Variants in GRIK1 observed in about 807,000 individuals in gnomAD.
The protein encoded by GRIK1 is glutamate receptor ionotropic, kainate 1.
In GRIK1, 69 loss-of-function variants were observed where a neutral mutation model predicts 105.7. That is an observed-to-expected ratio of 0.65 (90% CI 0.54 to 0.80). The LOEUF (loss-of-function observed/expected upper bound fraction) is 0.80. Ranked by LOEUF, GRIK1 falls within the 30% of genes least tolerant of loss-of-function variation. The pLI is 0.00. For missense variants in GRIK1, 1,109 were observed against 1,167.3 expected, an observed-to-expected ratio of 0.95 and a Z score of 0.73; for synonymous variants, 438 against 431.3, an observed-to-expected ratio of 1.02 and a Z score of -0.19.
intron 1 of GRIK1, among the ~76,000 whole-genome samples, chr21:29,836,719 T>A (rs376745689): frequency 2.0e-5 from 3 of 152,182 alleles, no homozygotes; most frequent in South Asian, 4.1e-4. Flanking sequence ...AAATCTCACA[T>A]CATGAGAAAT....
chr21:29,861,517 A>G (rs1271986142), intron 1 of GRIK1, among the ~76,000 whole-genome samples: 6 of 152,022 alleles, frequency 3.9e-5, no homozygotes, highest in Non-Finnish European at 8.8e-5. Context: ...CATATTGCCC[A>G]GGCTGGTCTC....
rs2061288923 is a variant in GRIK1, at chr21:29,588,911, A to G, written c.1497T>C (p.Val499=). 2 of 1,609,928 alleles carry G rather than the reference A, an allele frequency of 1.2e-6. No individual in the cohort carries two copies. Among genetic ancestry groups the G allele is most frequent in the Non-Finnish European group, 1.7e-6 (2 of 1,176,292 alleles). The change falls in exon 11 of 18, where the codon GTT becomes GTC. Residue 499 remains valine (V), a synonymous_variant. Coordinates refer to ENST00000327783, the MANE Select transcript of GRIK1 (RefSeq NM_001330994.2). ...ILGFIYDVKL[V]PDGKYGAQND... is the part of the protein sequence containing the mutation. ...TCTGGGCCCCATATTTGCCATCGGG[A>G]ACTAGTTTAACATCATAAATGAAAC...
chr21:29,815,849 A>G (rs766202555), intron 1 of GRIK1, among the ~76,000 whole-genome samples: 8 of 152,166 alleles, frequency 5.3e-5, no homozygotes, highest in Non-Finnish European at 1.0e-4. Context: ...TAAAACTACT[A>G]GAAGAAAACA....
intron 1 of GRIK1, among the ~76,000 whole-genome samples, chr21:29,787,688 A>G (rs901408320): frequency 1.3e-5 from 2 of 152,122 alleles, no homozygotes; most frequent in Non-Finnish European, 2.9e-5. Context: ...TATCCTTGAC[A>G]TTTTCATCTT....
At chr21:29,821,746 A>G (rs1478999209) in intron 1 of GRIK1, among the ~76,000 whole-genome samples, 1 of 152,038 alleles carries the variant, frequency 6.6e-6, no homozygotes, top group East Asian at 1.9e-4. Context: ...ATGGTCTGTA[A>G]GTGGTTGTGT....
chr21:29,784,449 C>T (rs963627379), intron 1 of GRIK1, among the ~76,000 whole-genome samples: 1 of 152,156 alleles, frequency 6.6e-6, no homozygotes, highest in African/African-American at 2.4e-5. Flanking sequence ...TGACAACCCT[C>T]CATCCCCCAT....
chr21:29,822,503 G>A (rs970727248), intron 1 of GRIK1, among the ~76,000 whole-genome samples: 1 of 151,968 alleles, frequency 6.6e-6, no homozygotes, highest in Non-Finnish European at 1.5e-5. Flanking sequence ...ACTTATGACT[G>A]CTCAGAATAG....
At chr21:29,615,680 C>T (rs1049914069) in intron 7 of GRIK1, among the ~76,000 whole-genome samples, 12 of 152,202 alleles carry the variant, frequency 7.9e-5, no homozygotes, top group African/African-American at 2.4e-4. Flanking sequence ...TTCCGAAGAT[C>T]TTCCAAGATA....
intron 1 of GRIK1, among the ~76,000 whole-genome samples, chr21:29,796,623 T>C (rs908499702): frequency 1.1e-4 from 17 of 152,052 alleles, no homozygotes; most frequent in Admixed American, 6.6e-5. Flanking sequence ...TTATTATACA[T>C]AGTTAACAAA....
intron 1 of GRIK1, among the ~76,000 whole-genome samples, chr21:29,707,013 C>A (rs1033360421): frequency 6.6e-6 from 1 of 152,090 alleles, no homozygotes; most frequent in Non-Finnish European, 1.5e-5. Context: ...TACAGGTGCC[C>A]GCCACCGCGC....
intron 1 of GRIK1, among the ~76,000 whole-genome samples, chr21:29,779,749 C>T (rs2066039500): frequency 6.6e-6 from 1 of 152,142 alleles, no homozygotes. Flanking sequence ...AAAAATTCCA[C>T]TAATTTACTA....
chr21:29,921,665 T>C (rs1416708083), intron 1 of GRIK1, among the ~76,000 whole-genome samples: 4 of 152,188 alleles, frequency 2.6e-5, no homozygotes, highest in Admixed American at 6.5e-5. Flanking sequence ...ACTTCTAACA[T>C]CTAAAATTTC....
At chr21:29,757,297 G>A (rs929596460) in intron 1 of GRIK1, among the ~76,000 whole-genome samples, 1 of 152,136 alleles carries the variant, frequency 6.6e-6, no homozygotes, top group Non-Finnish European at 1.5e-5. Context: ...AGACAAAGCA[G>A]GAGCTCCAAA....
chr21:29,699,915 T>C (rs942561148), intron 1 of GRIK1, among the ~76,000 whole-genome samples: 4 of 152,056 alleles, frequency 2.6e-5, no homozygotes, highest in Non-Finnish European at 4.4e-5. Context: ...TCCCAAAGTG[T>C]TGGGATTACA....
At chr21:29,750,334 A>T (rs912558084) in intron 1 of GRIK1, among the ~76,000 whole-genome samples, 2 of 142,802 alleles carry the variant, frequency 1.4e-5, no homozygotes, top group African/African-American at 2.6e-5. Flanking sequence ...ACATTTGCCA[A>T]CTCCAACTCT....
intron 7 of GRIK1, among the ~76,000 whole-genome samples, chr21:29,635,790 G>T (rs1197755484): frequency 1.3e-5 from 2 of 152,182 alleles, no homozygotes; most frequent in African/African-American, 4.8e-5. Flanking sequence ...ACTGTCTAAA[G>T]GGGTCAGGAG....
chr21:29,710,223 G>A (rs2064011223), intron 1 of GRIK1, among the ~76,000 whole-genome samples: 1 of 151,986 alleles, frequency 6.6e-6, no homozygotes, highest in African/African-American at 2.4e-5. Context: ...GGGATAAGTT[G>A]TATTTGATCA....
intron 6 of GRIK1, among the ~76,000 whole-genome samples, chr21:29,649,770 G>A (rs2062694201): frequency 6.6e-6 from 1 of 152,176 alleles, no homozygotes; most frequent in South Asian, 2.1e-4. Context: ...CACAGTCTGT[G>A]TTAACATAGC....
At chr21:29,917,086 A>C (rs2071024463) in intron 1 of GRIK1, among the ~76,000 whole-genome samples, 1 of 151,974 alleles carries the variant, frequency 6.6e-6, no homozygotes, top group Non-Finnish European at 1.5e-5. Flanking sequence ...AAGACTTAAG[A>C]CATTTCGTTT....
Sources: gnomAD v4.1 joint callset for allele counts (sites outside exome capture counted in the v4.1 genomes callset) on GRCh38, gnomAD v4.1.1 for gene constraint, MANE v1.5 for transcripts, NCBI Gene and HGNC (gene_info 2026-07-23, HGNC 2026-07-21) for gene names.